The following DISP1 variants were observed in gnomAD, a reference collection of about 807,000 sequenced individuals.
DISP1 encodes protein dispatched homolog 1.
Under a neutral mutation model 37.3 loss-of-function variants are expected in DISP1, and 30 were observed. That is an observed-to-expected ratio of 0.80 (90% CI 0.60 to 1.09). The LOEUF is 1.09. Among genes scored for constraint, DISP1 ranks in the 50% least tolerant of loss-of-function variants. The probability of loss-of-function intolerance (pLI) is 0.00; values close to 1 mark genes in which losing one functional copy is unlikely to be tolerated. For missense variants in DISP1, 1,598 were observed against 1,879.5 expected (o/e 0.85, Z 2.77); for synonymous variants, 634 against 690.2 (o/e 0.92, Z 1.28).
chr1:222,964,578 A>C (rs1350351142), intron 3 of DISP1, among the ~76,000 whole-genome samples: 5 of 152,218 alleles, frequency 3.3e-5, no homozygotes, highest in Non-Finnish European at 1.5e-5. Flanking sequence ...GGATCACACA[A>C]ATAATCGTGA....
At chr1:222,896,597 T>C (rs1671271480) in intron 1 of DISP1, among the ~76,000 whole-genome samples, 1 of 142,712 alleles carries the variant, frequency 7.0e-6, no homozygotes, top group Non-Finnish European at 1.5e-5. Flanking sequence ...TGAGACTCTA[T>C]CTCAGAGAAA....
At chr1:222,884,015 C>G (rs950179841) in intron 1 of DISP1, among the ~76,000 whole-genome samples, 9 of 152,136 alleles carry the variant, frequency 5.9e-5, no homozygotes, top group Admixed American at 2.0e-4. Context: ...GAGTGCCTGT[C>G]CTATAATTGA....
chr1:222,862,830 G>A (rs772081638), intron 1 of DISP1, among the ~76,000 whole-genome samples: 4 of 151,998 alleles, frequency 2.6e-5, no homozygotes, highest in East Asian at 1.9e-4. Context: ...CGTGCTCAGC[G>A]TCAGTCGTAT....
At chr1:222,971,959 T>C (rs1676990548) in intron 3 of DISP1, among the ~76,000 whole-genome samples, 1 of 152,126 alleles carries the variant, frequency 6.6e-6, no homozygotes, top group African/African-American at 2.4e-5. Flanking sequence ...AGGCTTAATG[T>C]AAGTTCCAAA....
Position 222,832,408 on chromosome 1 carries a change from G to A in DISP1, c.-159+17330G>A, listed in dbSNP as rs192937688. Among the ~76,000 whole-genome samples, 638 of 152,102 alleles carry A rather than the reference G, an allele frequency of 4.2e-3. 5 individuals are homozygous for A. The highest frequency in any genetic ancestry group is 0.015 in the African/African-American group (602 of 41,494). ...TTTTTATAAAAATTTCTAATGTTAA[G>A]GTCTAAGAAATTTTTATAAGAACTT... On this transcript the variant is annotated intron_variant, in intron 1 of 8. Coordinates refer to ENST00000675850, the MANE Select transcript of DISP1 (RefSeq NM_001377229.1).
At chr1:222,874,927 A>C (rs1019909413) in intron 1 of DISP1, among the ~76,000 whole-genome samples, 7 of 152,070 alleles carry the variant, frequency 4.6e-5, no homozygotes, top group Admixed American at 1.3e-4. Flanking sequence ...TGACATACAC[A>C]TGGGTTTTTG....
chr1:222,938,600 G>T (rs913075327), intron 2 of DISP1, among the ~76,000 whole-genome samples: 2 of 151,772 alleles, frequency 1.3e-5, no homozygotes, highest in South Asian at 2.1e-4. Flanking sequence ...TGACATGATG[G>T]TACATGCCTA....
chr1:222,898,289 T>TA (rs1671382166), intron 1 of DISP1, among the ~76,000 whole-genome samples: 1 of 152,096 alleles, frequency 6.6e-6, no homozygotes, highest in Non-Finnish European at 1.5e-5. Flanking sequence ...AATTTTTTTT[T>TA]AAACACTGAG....
At chr1:222,953,619 T>G (rs1675388835) in intron 3 of DISP1, among the ~76,000 whole-genome samples, 1 of 152,232 alleles carries the variant, frequency 6.6e-6, no homozygotes, top group South Asian at 2.1e-4. Flanking sequence ...CTGGTAAGAT[T>G]TAATTTTGAT....
chr1:222,839,176 A>G lies in DISP1; in HGVS notation c.-159+24098A>G, dbSNP rs114991991. ...GGAACTGGGCCGCACAGCAGAAGGT[A>G]AGTGGCAGGCCTGAGCTGTGCCTCC... On this transcript the variant is annotated intron_variant, in intron 1 of 8. Coordinates refer to ENST00000675850, the MANE Select transcript of DISP1 (RefSeq NM_001377229.1). 5.4e-3 allele frequency among the ~76,000 whole-genome samples: 828 copies of G among 152,258 alleles called. 14 individuals are homozygous for G. The highest frequency in any genetic ancestry group is 0.019 in the African/African-American group (771 of 41,556).
At position 223,004,421 on chromosome 1, in the gene DISP1, A is replaced by G; in HGVS notation, c.3024A>G (p.Ile1008Met). Residue 1008 changes from isoleucine (I) to methionine (M), a missense_variant, in exon 9 of 9, where the codon ATA becomes ATG. By Grantham distance (10) the Ile-to-Met change is conservative. Transcript: ENST00000675850. The surrounding 1 kb of genome is among the most constrained non-coding windows in gnomAD (Gnocchi z 4.9). ...VMLLTTWNII[I>M]SLYAIISIAG... ...TGCTGACAACTTGGAACATCATCAT[A>G]AGCCTTTATGCCATCATTTCAATTG... The G allele has an allele frequency of 6.2e-7, 1 of 1,614,184 alleles. No homozygotes were observed. Among genetic ancestry groups the G allele is most frequent in the South Asian group, 1.1e-5 (1 of 91,070 alleles).
intron 1 of DISP1, among the ~76,000 whole-genome samples, chr1:222,849,725 GA>G (rs1469730912): frequency 6.6e-6 from 1 of 152,044 alleles, no homozygotes; most frequent in East Asian, 1.9e-4. Context: ...TTTGACAAGT[GA>G]AATTGTGAAA....
chr1:222,921,556 A>T (rs1462325341), intron 1 of DISP1, among the ~76,000 whole-genome samples: 1 of 152,214 alleles, frequency 6.6e-6, no homozygotes, highest in Non-Finnish European at 1.5e-5. Context: ...GTCATTCCTT[A>T]TTATTCAGTA....
intron 1 of DISP1, among the ~76,000 whole-genome samples, chr1:222,819,331 G>A (rs1418254952): frequency 6.6e-6 from 1 of 152,038 alleles, no homozygotes; most frequent in Non-Finnish European, 1.5e-5. Context: ...CTTTATAGCT[G>A]TGTGAGAATG....
At chr1:222,970,230 G>A (rs1431055897) in intron 3 of DISP1, among the ~76,000 whole-genome samples, 1 of 151,678 alleles carries the variant, frequency 6.6e-6, no homozygotes. Flanking sequence ...CACCAGCACG[G>A]ATGTGTTATT....
chr1:222,929,889 T>A (rs1299399498), intron 2 of DISP1, among the ~76,000 whole-genome samples: 1 of 152,212 alleles, frequency 6.6e-6, no homozygotes, highest in Non-Finnish European at 1.5e-5. Context: ...AAGATATTTT[T>A]ATGTATCTTC....
At chr1:222,927,217 T>C (rs1245418205) in intron 1 of DISP1, among the ~76,000 whole-genome samples, 2 of 152,122 alleles carry the variant, frequency 1.3e-5, no homozygotes, top group African/African-American at 4.8e-5. Context: ...TTCTGTTTGT[T>C]TGAAACAGAA....
chr1:222,872,428 G>T (rs1669645123), intron 1 of DISP1: 1 of 151,982 alleles, frequency 6.6e-6, no homozygotes, highest in African/African-American at 2.4e-5. Flanking sequence ...GACTTTTTTT[G>T]GTTGGTAAGC....
At position 223,002,537 on chromosome 1, in the gene DISP1, G is replaced by T; in HGVS notation, c.1140G>T (p.Lys380Asn). ...IVERDVSHTL[K>N]LLRTCAKHYQ... ...AGCGAGACGTTTCTCATACCTTGAA[G>T]CTGCTTCGGACTTGTGCCAAACACT... Residue 380 changes from lysine to asparagine, a missense_variant, in exon 9 of 9, where the codon AAG becomes AAT. Physicochemically the swap from Lys to Asn is moderately conservative, Grantham distance 94. Coordinates refer to ENST00000675850, the MANE Select transcript of DISP1 (RefSeq NM_001377229.1). 6.2e-7 allele frequency: 1 copy of T among 1,614,152 alleles called. No individual in the cohort carries two copies. The highest frequency in any genetic ancestry group is 1.1e-5 in the South Asian group (1 of 91,078).
Sources: allele counts gnomAD v4.1 joint callset (sites outside exome capture counted in the v4.1 genomes callset), GRCh38; gene constraint gnomAD v4.1.1; non-coding constraint Gnocchi (gnomAD v3.1); transcripts MANE v1.5; gene names NCBI Gene and HGNC (gene_info 2026-07-23, HGNC 2026-07-21).